Variants in L3MBTL3 observed in about 807,000 individuals in gnomAD.
L3MBTL3 encodes L3MBTL histone methyl-lysine binding protein 3.
L3MBTL3 carries 27 observed loss-of-function variants against 102.3 expected under a neutral mutation model. That is an observed-to-expected ratio of 0.26 (90% CI 0.19 to 0.36). The LOEUF is 0.36. Among genes scored for constraint, L3MBTL3 ranks in the 10% least tolerant of loss-of-function variants. The pLI is 1.00. For synonymous variants in L3MBTL3, 340 were observed against 320.9 expected (o/e 1.06, Z -0.64); for missense variants, 798 against 955.3 (o/e 0.84, Z 2.17).
intron 19 of L3MBTL3, among the ~76,000 whole-genome samples, chr6:130,106,199 A>G (rs767059750): frequency 6.6e-6 from 1 of 152,192 alleles, no homozygotes; most frequent in Non-Finnish European, 1.5e-5. Context: ...TGATTACCTA[A>G]TAATTATTAC....
In L3MBTL3 at chr6:130,104,488, T is replaced by G. The variant is rs767459034; in HGVS notation, c.1799T>G (p.Leu600Ter). The change falls in exon 19 of 23, where the codon TTA (leucine) becomes TGA (stop). Residue 600 changes from leucine to a stop codon, truncating the protein, a stop_gained. Transcript: ENST00000361794. LOFTEE classifies it high-confidence loss of function. ...AAAGACCGTATTTTTCCAGACCGCTTAAGTGGTGAGATGCCTCCGGCTAGT... is the reference window on the plus strand; with the variant it reads ...AAAGACCGTATTTTTCCAGACCGCTGAAGTGGTGAGATGCCTCCGGCTAGT... ...LNKDRIFPDR[L>*]SGEMPPASPS... is the part of the protein sequence containing the mutation. The G allele has an allele frequency of 4.4e-5, 71 of 1,602,154 alleles. No homozygotes were observed. Among genetic ancestry groups the G allele is most frequent in the Non-Finnish European group, 5.8e-5 (68 of 1,174,416 alleles).
At chr6:130,117,159 T>A (rs1455475543) in intron 19 of L3MBTL3, among the ~76,000 whole-genome samples, 6 of 116,482 alleles carry the variant, frequency 5.2e-5, no homozygotes, top group African/African-American at 2.0e-4. Context: ...AGTGTGATAT[T>A]CCCCTTCCTG....
intron 2 of L3MBTL3, among the ~76,000 whole-genome samples, chr6:130,040,587 T>C (rs1780357936): frequency 6.6e-6 from 1 of 152,190 alleles, no homozygotes; most frequent in Non-Finnish European, 1.5e-5. Flanking sequence ...TGCTTGTAAG[T>C]GTTACAAAAT....
At chr6:130,063,033 A>G (rs1432262407) in intron 10 of L3MBTL3, among the ~76,000 whole-genome samples, 4 of 143,172 alleles carry the variant, frequency 2.8e-5, no homozygotes, top group Admixed American at 7.2e-5. Flanking sequence ...TTGCAATGCA[A>G]TGGTAAGACA....
chr6:130,033,360 G>A (rs1305445185), intron 2 of L3MBTL3, among the ~76,000 whole-genome samples: 2 of 152,176 alleles, frequency 1.3e-5, no homozygotes, highest in African/African-American at 4.8e-5. Context: ...CGGTTAGTGA[G>A]TGAAGATGAT....
intron 8 of L3MBTL3, among the ~76,000 whole-genome samples, 181 bp downstream of exon 8, chr6:130,055,436 G>A (rs1486858614): frequency 1.3e-5 from 2 of 150,540 alleles, no homozygotes; most frequent in Non-Finnish European, 1.5e-5. Context: ...TAACTTTCAA[G>A]TGGTTTCAGG....
intron 12 of L3MBTL3, among the ~76,000 whole-genome samples, chr6:130,068,760 T>A (rs183414378): frequency 6.6e-6 from 1 of 152,204 alleles, no homozygotes; most frequent in East Asian, 1.9e-4. Context: ...GGGATTCACA[T>A]AGCCAGATGA....
chr6:130,044,155 T>G (rs1305627155), intron 3 of L3MBTL3, among the ~76,000 whole-genome samples: 1 of 152,208 alleles, frequency 6.6e-6, no homozygotes, highest in Non-Finnish European at 1.5e-5. Context: ...AACTACATAA[T>G]AGCTACCCAA....
chr6:130,053,982 A>G (rs1005745632), intron 7 of L3MBTL3, among the ~76,000 whole-genome samples: 5 of 152,218 alleles, frequency 3.3e-5, no homozygotes, highest in African/African-American at 1.2e-4. Flanking sequence ...AATGTCACCT[A>G]GTGATAAGTG....
rs773877284 is a variant in L3MBTL3, at chr6:130,094,346, C to G, written c.1715C>G (p.Ala572Gly). ...AAAGGGATTGGCCATTTCAAGAGAG[C>G]GAGACATCTGGGCCCTCACAGGTAT... ...GCKGIGHFKR[A>G]RHLGPHSAAN... Residue 572 changes from alanine to glycine, a missense_variant, in exon 18 of 23, where the codon GCG becomes GGG. Coordinates refer to ENST00000361794, the MANE Select transcript of L3MBTL3 (RefSeq NM_032438.4). 6.2e-7 allele frequency: 1 copy of G among 1,613,248 alleles called. No individual in the cohort carries two copies. The highest frequency in any genetic ancestry group is 1.3e-5 in the African/African-American group (1 of 74,882).
intron 2 of L3MBTL3, among the ~76,000 whole-genome samples, chr6:130,027,023 G>C (rs1163151548): frequency 6.6e-6 from 1 of 152,178 alleles, no homozygotes; most frequent in African/African-American, 2.4e-5. Context: ...TCCTGAGCAA[G>C]AGTGCTATAA....
rs934107661 is a variant in L3MBTL3, at chr6:130,098,853, G to A, written c.1736+4486G>A. ...ACAGTGGCCTGATAGAGCCTGCCTC[G>A]TGTGTTTTTCTTTTTTTTTTTTTTT... On this transcript the variant is annotated intron_variant, in intron 18 of 22. Coordinates refer to ENST00000361794, the MANE Select transcript of L3MBTL3 (RefSeq NM_032438.4). 4.1e-5 allele frequency among the ~76,000 whole-genome samples: 6 copies of A among 145,476 alleles called. No homozygotes were observed. In the South Asian group the frequency reaches 6.4e-4, roughly 16 times the overall value.
intron 20 of L3MBTL3, among the ~76,000 whole-genome samples, chr6:130,122,243 C>T (rs1039128888): frequency 2.2e-4 from 33 of 152,288 alleles, no homozygotes; most frequent in African/African-American, 7.9e-4. Context: ...TGGCTGTTTG[C>T]TTGCAGTGAC....
In L3MBTL3 at chr6:130,049,784, C is replaced by G; in HGVS notation, c.243C>G (p.Pro81=). 1 of 1,613,862 alleles carries G rather than the reference C, an allele frequency of 6.2e-7. No homozygotes were observed. Among genetic ancestry groups the G allele is most frequent in the Non-Finnish European group, 8.5e-7 (1 of 1,179,926 alleles). The change falls in exon 5 of 23, where the codon CCC becomes CCG. Residue 81 remains proline (P), a synonymous_variant. Coordinates refer to ENST00000361794, the MANE Select transcript of L3MBTL3 (RefSeq NM_032438.4). The part of the protein sequence containing the change: ...EAPTSPPSSR[P]VFPPAYWTSP... ...CGACCTCTCCCCCGAGCTCCAGGCC[C>G]GTATTTCCACCTGCCTACTGGACAT...
chr6:130,120,950 A>G lies in L3MBTL3; in HGVS notation c.1958A>G (p.Glu653Gly), dbSNP rs556409003. The change falls in exon 20 of 23, where the codon GAA (glutamate) becomes GGA (glycine). Residue 653 changes from glutamate to glycine, a missense_variant. Glu to Gly is a moderately conservative substitution (Grantham distance 98). Around this residue, in one of 4 missense-constraint regions of L3MBTL3, gnomAD observed 306 missense variants for 314.4 expected, o/e 0.97. Transcript: ENST00000361794. ...GAAAGTGAAATGAGAACATCACATGAAGCCAGAGGTAGCCATAATAATTCT... is the reference window on the plus strand; with the variant it reads ...GAAAGTGAAATGAGAACATCACATGGAGCCAGAGGTAGCCATAATAATTCT... ...RTESEMRTSH[E>G]ARGAREEPTV... The G allele has an allele frequency of 6.8e-6, 11 of 1,608,380 alleles. No homozygotes were observed. In the African/African-American group the frequency reaches 1.5e-4, roughly 21 times the overall value.
chr6:130,113,840 G>A (rs756418895), intron 19 of L3MBTL3, among the ~76,000 whole-genome samples: 4 of 152,096 alleles, frequency 2.6e-5, no homozygotes, highest in Middle Eastern at 3.2e-3. Context: ...CTAACATAAA[G>A]TATGAAGCTA....
intron 19 of L3MBTL3, among the ~76,000 whole-genome samples, chr6:130,110,007 T>G (rs1785249374): frequency 6.6e-6 from 1 of 152,206 alleles, no homozygotes; most frequent in South Asian, 2.1e-4. Context: ...TAGATAGTTG[T>G]ACATGTGTGG....
Position 130,083,668 on chromosome 6 carries a change from C to G in L3MBTL3, c.1370C>G (p.Thr457Ser). The part of the protein sequence containing the change: ...HFSWDKYLEE[T>S]NSLPAPARAF... Reference sequence around the variant, plus strand: ...TCTTGGGATAAATACTTAGAAGAAACCAATTCTTTACCTGCTCCTGCAAGA... The same window carrying G: ...TCTTGGGATAAATACTTAGAAGAAAGCAATTCTTTACCTGCTCCTGCAAGA... Residue 457 changes from threonine (T) to serine (S), a missense_variant, in exon 15 of 23, where the codon ACC (threonine) becomes AGC (serine). Physicochemically the swap from Thr to Ser is moderately conservative, Grantham distance 58 (BLOSUM62 1). This residue lies in a region of L3MBTL3 where 306 missense variants were observed against 314.4 expected (regional missense o/e 0.97). Transcript: ENST00000361794. 1 of 1,547,374 alleles carries G rather than the reference C, an allele frequency of 6.5e-7. No homozygotes were observed.
At chr6:130,124,335 T>C (rs1049980641) in intron 20 of L3MBTL3, among the ~76,000 whole-genome samples, 1 of 152,150 alleles carries the variant, frequency 6.6e-6, no homozygotes, top group African/African-American at 2.4e-5. Flanking sequence ...CACCACAGAT[T>C]CACTATATTC....
Sources: allele counts gnomAD v4.1 joint callset (sites outside exome capture counted in the v4.1 genomes callset), GRCh38; gene constraint gnomAD v4.1.1; regional missense constraint gnomAD v4.1.1; transcripts MANE v1.5; gene names NCBI Gene and HGNC (gene_info 2026-07-23, HGNC 2026-07-21).